The following NRXN1 variants were observed in gnomAD, a reference collection of about 807,000 sequenced individuals.
NRXN1 encodes the protein neurexin 1.
Under a neutral mutation model 150.9 loss-of-function variants are expected in NRXN1, and 39 were observed. The observed-to-expected ratio is 0.26, with a 90% CI of 0.20 to 0.34. NRXN1 has a LOEUF of 0.34. Ranked by LOEUF, NRXN1 falls within the 10% of genes least tolerant of loss-of-function variation. NRXN1 has a pLI of 1.00. For synonymous variants in NRXN1, 924 were observed against 757.0 expected (o/e 1.22, Z -3.62); for missense variants, 1,815 against 1,949.9 (o/e 0.93, Z 1.30).
chr2:50,561,556 G>C (rs867906517), intron 8 of NRXN1, among the ~76,000 whole-genome samples: 2 of 152,064 alleles, frequency 1.3e-5, no homozygotes, highest in African/African-American at 4.8e-5. Flanking sequence ...TTTCAATTTT[G>C]TGTTAAAAAA....
At chr2:50,266,002 A>T (rs13028741) in intron 17 of NRXN1, among the ~76,000 whole-genome samples, 2,130 of 84,598 alleles carry the variant, frequency 0.025, 26 homozygotes, top group Middle Eastern at 0.054. Context: ...ATTATTATTT[A>T]TTTTTTTTTT....
At chr2:50,472,512 C>T in intron 15 of NRXN1, 41 bp from the exon 16 acceptor site, 2 of 1,550,438 alleles carry the variant, frequency 1.3e-6, no homozygotes, top group Non-Finnish European at 1.8e-6. Flanking sequence ...AGTACCATGT[C>T]ATTGACTTTA....
At chr2:50,351,359 C>G (rs758370323) in intron 17 of NRXN1, among the ~76,000 whole-genome samples, 15 of 152,176 alleles carry the variant, frequency 9.9e-5, no homozygotes, top group Non-Finnish European at 1.6e-4. Flanking sequence ...TTACAGCAGA[C>G]AGAGGTGGCT....
intron 5 of NRXN1, among the ~76,000 whole-genome samples, chr2:50,911,805 C>T (rs1684563261): frequency 1.3e-5 from 2 of 151,676 alleles, no homozygotes; most frequent in Non-Finnish European, 2.9e-5. Flanking sequence ...TTTGTTTTGT[C>T]TTTTTGTAAA....
intron 17 of NRXN1, among the ~76,000 whole-genome samples, chr2:50,344,392 A>C (rs1481407825): frequency 6.6e-6 from 1 of 152,182 alleles, no homozygotes; most frequent in Non-Finnish European, 1.5e-5. Context: ...TGATTGAAAA[A>C]AACAAAGAAT....
intron 5 of NRXN1, among the ~76,000 whole-genome samples, chr2:50,628,458 C>A (rs1354821224): frequency 6.6e-6 from 1 of 151,692 alleles, no homozygotes; most frequent in Non-Finnish European, 1.5e-5. Flanking sequence ...GAAAATATTT[C>A]TTCCTATGTT....
intron 18 of NRXN1, among the ~76,000 whole-genome samples, chr2:50,185,100 T>A (rs1018680650): frequency 1.3e-5 from 2 of 152,028 alleles, no homozygotes; most frequent in Non-Finnish European, 2.9e-5. Flanking sequence ...GGGAAAGTGA[T>A]GGGGAGAATG....
At position 49,957,091 on chromosome 2, in the gene NRXN1, T is replaced by A. The variant is rs114287501; in HGVS notation, c.4129-13300A>T. Among the ~76,000 whole-genome samples, 1,311 of 152,232 alleles carry A rather than the reference T, an allele frequency of 8.6e-3. 18 individuals carry two copies. Among genetic ancestry groups the A allele is most frequent in the African/African-American group, 0.028 (1,173 of 41,540 alleles). The stretch of plus-strand genomic sequence containing the variant: ...ATGTGTAACAAATGCAGGCCTTCTA[T>A]GAGCAGCAAGTTGCTTTTTCCACTA... On this transcript the variant is annotated intron_variant, in intron 21 of 22. Coordinates refer to ENST00000401669, the MANE Select transcript of NRXN1 (RefSeq NM_001330078.2).
intron 19 of NRXN1, among the ~76,000 whole-genome samples, chr2:50,074,746 A>C (rs1042722794): frequency 1.3e-5 from 2 of 152,220 alleles, no homozygotes; most frequent in Admixed American, 1.3e-4. Flanking sequence ...GTTGAAGTAC[A>C]TTATCTTATA....
rs777604099 is a variant in NRXN1 at position 50,922,664 on chromosome 2, C to T, written c.814G>A (p.Asp272Asn). Residue 272 changes from aspartate to asparagine, a missense_variant, in exon 4 of 23, where the codon GAC becomes AAC. Asp to Asn is a conservative substitution (Grantham distance 23, BLOSUM62 1). This residue lies in a region of NRXN1 where 554 missense variants were observed against 478.8 expected (regional missense o/e 1.16). Coordinates refer to ENST00000401669, the MANE Select transcript of NRXN1 (RefSeq NM_001330078.2). Reference sequence around the variant, plus strand: ...AAAGGAACAGAGCCCATACCTTGGTCGCCCATCATCAGGTGCGCCAGACCT... The same window carrying T: ...AAAGGAACAGAGCCCATACCTTGGTTGCCCATCATCAGGTGCGCCAGACCT... ...VEGLAHLMMGDQGKSKGKEEY... is the reference protein window; with the variant it reads ...VEGLAHLMMGNQGKSKGKEEY... The T allele has an allele frequency of 2.5e-6, 4 of 1,610,128 alleles. No homozygotes were observed. The South Asian group carries it at 3.3e-5, about 13-fold the overall frequency.
intron 18 of NRXN1, among the ~76,000 whole-genome samples, chr2:50,117,716 T>A (rs1172000034): frequency 6.6e-6 from 1 of 151,042 alleles, no homozygotes; most frequent in African/African-American, 2.4e-5. Context: ...CATAGAAGAG[T>A]TTCAATGAGT....
intron 5 of NRXN1, among the ~76,000 whole-genome samples, chr2:50,689,886 G>A (rs957232188): frequency 6.6e-6 from 1 of 151,352 alleles, no homozygotes; most frequent in African/African-American, 2.4e-5. Flanking sequence ...GTGTGTGTGT[G>A]TGTGTGTGTG....
At chr2:50,029,059 AG>A (rs1688796576) in intron 21 of NRXN1, among the ~76,000 whole-genome samples, 1 of 152,214 alleles carries the variant, frequency 6.6e-6, no homozygotes, top group South Asian at 2.1e-4. Flanking sequence ...TAGGAGGTGA[AG>A]TCTTTGAGCA....
At chr2:51,031,104 C>T (rs1419135593) in intron 1 of NRXN1, among the ~76,000 whole-genome samples, 1 of 151,786 alleles carries the variant, frequency 6.6e-6, no homozygotes, top group Non-Finnish European at 1.5e-5. Flanking sequence ...CTGGTTTTCC[C>T]AGTTCTTGGA....
intron 2 of NRXN1, among the ~76,000 whole-genome samples, chr2:50,980,649 C>T (rs1267977602): frequency 6.6e-6 from 1 of 151,962 alleles, no homozygotes; most frequent in Admixed American, 6.6e-5. Context: ...AATAAATGTA[C>T]ACAATAATGC....
intron 22 of NRXN1, among the ~76,000 whole-genome samples, chr2:49,934,722 C>A (rs1247180729): frequency 1.3e-5 from 2 of 152,022 alleles, no homozygotes; most frequent in African/African-American, 4.8e-5. Flanking sequence ...TGGGAGTATT[C>A]CTGAGTGTCT....
intron 17 of NRXN1, among the ~76,000 whole-genome samples, chr2:50,310,770 T>A (rs906266930): frequency 6.6e-6 from 1 of 152,120 alleles, no homozygotes; most frequent in African/African-American, 2.4e-5. Context: ...TATGTTTATA[T>A]CATATATATA....
intron 17 of NRXN1, among the ~76,000 whole-genome samples, chr2:50,411,378 A>T (rs1231227675): frequency 6.6e-6 from 1 of 151,164 alleles, no homozygotes; most frequent in African/African-American, 2.4e-5. Context: ...GCTCGCTACA[A>T]CCTCCACCTC....
intron 5 of NRXN1, among the ~76,000 whole-genome samples, chr2:50,646,493 T>C (rs1363507613): frequency 6.6e-6 from 1 of 152,036 alleles, no homozygotes; most frequent in East Asian, 1.9e-4. Context: ...ATTTTACAAA[T>C]GCACTGTGAT....
Sources: allele counts gnomAD v4.1 joint callset (sites outside exome capture counted in the v4.1 genomes callset), GRCh38; gene constraint gnomAD v4.1.1; regional missense constraint gnomAD v4.1.1; transcripts MANE v1.5; gene names NCBI Gene and HGNC (gene_info 2026-07-23, HGNC 2026-07-21).